Variants in CNTN6 observed in about 807,000 individuals in gnomAD.
The protein encoded by CNTN6 is contactin 6, also known as contactin-6.
A neutral mutation model predicts 122.8 loss-of-function variants in CNTN6; 137 were observed. That is an observed-to-expected ratio of 1.12 (90% CI 0.97 to 1.29). The LOEUF (loss-of-function observed/expected upper bound fraction) is 1.29. Among genes scored for constraint, CNTN6 ranks in the 50% most tolerant of loss-of-function variants. The pLI, the probability that CNTN6 is intolerant of heterozygous loss-of-function variation, is 0.00. For missense variants in CNTN6, 1,634 were observed against 1,223.4 expected, an observed-to-expected ratio of 1.34 and a Z score of -5.01; for synonymous variants, 570 against 426.0, an observed-to-expected ratio of 1.34 and a Z score of -4.16.
At chr3:1,245,312 A>AT (rs1559597973) in intron 4 of CNTN6, among the ~76,000 whole-genome samples, 201 of 19,198 alleles carry the variant, frequency 0.01, 24 homozygotes, top group Middle Eastern at 0.031. Flanking sequence ...ATATATATAT[A>AT]TATATATATA....
intron 20 of CNTN6, among the ~76,000 whole-genome samples, chr3:1,386,266 T>A (rs1692907429): frequency 1.4e-5 from 2 of 145,396 alleles, no homozygotes; most frequent in Middle Eastern, 7.3e-3. Flanking sequence ...AAATGGTTTT[T>A]TTGTTTTGTC....
At chr3:1,121,250 T>C (rs2091938560) in intron 1 of CNTN6, among the ~76,000 whole-genome samples, 1 of 139,156 alleles carries the variant, frequency 7.2e-6, no homozygotes. Flanking sequence ...GTTAAACAAA[T>C]TGACAGGATC....
At chr3:1,377,875 C>G (rs1266030985) in intron 17 of CNTN6, among the ~76,000 whole-genome samples, 1 of 152,094 alleles carries the variant, frequency 6.6e-6, no homozygotes, top group African/African-American at 2.4e-5. Context: ...TTGGTGTGCT[C>G]TAGTTATGGC....
intron 20 of CNTN6, chr3:1,394,274 G>T: frequency 4.6e-6 from 1 of 217,748 alleles, no homozygotes; most frequent in Non-Finnish European, 9.2e-6. Flanking sequence ...GGAATCAGAG[G>T]ACCAAGATGA....
intron 1 of CNTN6, among the ~76,000 whole-genome samples, chr3:1,121,625 A>G (rs1045867774): frequency 6.6e-6 from 1 of 151,946 alleles, no homozygotes; most frequent in Non-Finnish European, 1.5e-5. Flanking sequence ...AAGGATAACC[A>G]TACTACAGAA....
chr3:1,357,713 G>A (rs1387051733), intron 12 of CNTN6, among the ~76,000 whole-genome samples: 6 of 151,838 alleles, frequency 4.0e-5, no homozygotes, highest in Admixed American at 1.3e-4. Flanking sequence ...GTAACATGCA[G>A]ATATTAGTAC....
At chr3:1,288,171 G>A (rs994269706) in intron 5 of CNTN6, among the ~76,000 whole-genome samples, 28 of 152,068 alleles carry the variant, frequency 1.8e-4, no homozygotes, top group African/African-American at 6.8e-4. Context: ...GCAATATTAG[G>A]AACCCATGAG....
chr3:1,096,722 T>C (rs180935205), intron 1 of CNTN6, among the ~76,000 whole-genome samples: 66 of 152,296 alleles, frequency 4.3e-4, no homozygotes, highest in Middle Eastern at 3.4e-3. Flanking sequence ...GCAATCTGTA[T>C]CCTCCTGAAA....
In CNTN6 at chr3:1,360,152, T is replaced by A. The variant is rs138098847; in HGVS notation, c.1492+7701T>A. Reference sequence around the variant, plus strand: ...TTATTCTGTGTTTACATTTTATTAGTGGTTTAGTTTGAAGTAGAATTCTAG... The same window carrying A: ...TTATTCTGTGTTTACATTTTATTAGAGGTTTAGTTTGAAGTAGAATTCTAG... On this transcript the variant is annotated intron_variant, in intron 12 of 22. Transcript: ENST00000446702. Among the ~76,000 whole-genome samples the A allele has an allele frequency of 2.5e-3, 388 of 152,176 alleles. 1 individual carries two copies. Among genetic ancestry groups the A allele is most frequent in the African/African-American group, 8.6e-3 (358 of 41,554 alleles).
chr3:1,142,726 T>C (rs1193977790), intron 1 of CNTN6, among the ~76,000 whole-genome samples: 1 of 151,906 alleles, frequency 6.6e-6, no homozygotes, highest in African/African-American at 2.4e-5. Flanking sequence ...TAAACAGGCA[T>C]GTTGGGTTGC....
chr3:1,371,008 A>T (rs536650549), intron 12 of CNTN6, among the ~76,000 whole-genome samples: 3 of 152,204 alleles, frequency 2.0e-5, no homozygotes, highest in African/African-American at 2.4e-5. Flanking sequence ...TTATTTTTTC[A>T]TGGCTCTTTT....
rs754289894 is a variant in CNTN6, at chr3:1,403,394, T to C, written c.3063T>C (p.Cys1021=). 4 of 1,610,148 alleles carry C rather than the reference T, an allele frequency of 2.5e-6. No homozygotes were observed. The highest frequency in any genetic ancestry group is 1.7e-6 in the Non-Finnish European group (2 of 1,177,392). ...FLSIVIVIFH[C]FAIQPLI is the part of the protein sequence containing the mutation. ...CCATTGTCATTGTGATTTTTCACTG[T>C]TTTGCTATTCAGCCACTTATCTGAT... is the stretch of plus-strand genomic sequence containing the variant. The change falls in exon 23 of 23, where the codon TGT becomes TGC. Residue 1021 remains cysteine, a synonymous_variant. Transcript: ENST00000446702.
chr3:1,244,402 G>A (rs554086275), intron 4 of CNTN6, among the ~76,000 whole-genome samples: 27 of 143,256 alleles, frequency 1.9e-4, no homozygotes, highest in African/African-American at 6.7e-4. Flanking sequence ...CCAGGAAAGC[G>A]GGACTTGCCG....
chr3:1,323,351 G>A (rs907500542), intron 8 of CNTN6, among the ~76,000 whole-genome samples: 6 of 151,736 alleles, frequency 4.0e-5, no homozygotes, highest in East Asian at 1.9e-4. Context: ...TTTCAACATG[G>A]TGGTCTAAGC....
chr3:1,225,493 G>A (rs1384393526), intron 3 of CNTN6, among the ~76,000 whole-genome samples: 1 of 152,206 alleles, frequency 6.6e-6, no homozygotes, highest in Non-Finnish European at 1.5e-5. Context: ...AGCATGTAAT[G>A]ATGACAGCGG....
intron 20 of CNTN6, among the ~76,000 whole-genome samples, chr3:1,389,450 G>C (rs1430042342): frequency 1.6e-4 from 25 of 152,064 alleles, no homozygotes; most frequent in Non-Finnish European, 3.1e-4. Flanking sequence ...ACCAGCCGCT[G>C]CAAAATCATG....
chr3:1,385,739 C>CAACA lies in CNTN6; in HGVS notation c.2647_2650dup (p.Thr884LysfsTer36), dbSNP rs745344552. ...TCTACTTTGCTTCCGTAAGAGCTTACAACACTGCTGGGACAGGGCCCTCAA... is the reference window on the plus strand; with the variant it reads ...TCTACTTTGCTTCCGTAAGAGCTTACAACAAACACTGCTGGGACAGGGCCCTCAA... On this transcript the variant is annotated frameshift_variant, in exon 20 of 23. Coordinates refer to ENST00000446702, the MANE Select transcript of CNTN6 (RefSeq NM_001289080.2). LOFTEE classifies it high-confidence loss of function. The CAACA allele has an allele frequency of 6.2e-7, 1 of 1,614,098 alleles. No individual in the cohort carries two copies.
chr3:1,144,897 G>T (rs1193514158), intron 1 of CNTN6, among the ~76,000 whole-genome samples: 1 of 152,132 alleles, frequency 6.6e-6, no homozygotes, highest in African/African-American at 2.4e-5. Context: ...GACTGTTGGA[G>T]GTAGCTTGCG....
At chr3:1,357,226 G>A (rs1176151536) in intron 12 of CNTN6, among the ~76,000 whole-genome samples, 3 of 151,720 alleles carry the variant, frequency 2.0e-5, no homozygotes, top group Non-Finnish European at 1.5e-5. Context: ...ATAAAAATAG[G>A]GGGTGTATAG....
Sources: gnomAD v4.1 joint callset for allele counts (sites outside exome capture counted in the v4.1 genomes callset) on GRCh38, gnomAD v4.1.1 for gene constraint, MANE v1.5 for transcripts, NCBI Gene and HGNC (gene_info 2026-07-23, HGNC 2026-07-21) for gene names.